The following OPCML variants were observed in gnomAD, a reference collection of about 807,000 sequenced individuals.
The protein encoded by OPCML is opioid-binding protein/cell adhesion molecule.
A neutral mutation model predicts 37.8 loss-of-function variants in OPCML; 13 were observed. The ratio of observed to expected loss-of-function variants is 0.34; its 90% CI spans 0.22 to 0.55. OPCML has a LOEUF of 0.55. OPCML is among the 20% of genes least tolerant of loss of function. The probability of loss-of-function intolerance (pLI) is 0.91; values close to 1 mark genes in which losing one functional copy is unlikely to be tolerated. For missense variants in OPCML, 341 were observed against 435.6 expected (o/e 0.78, Z 1.93); for synonymous variants, 176 against 168.8 (o/e 1.04, Z -0.33).
intron 1 of OPCML, among the ~76,000 whole-genome samples, chr11:133,245,241 T>C (rs927739741): frequency 1.3e-5 from 2 of 152,190 alleles, no homozygotes; most frequent in African/African-American, 4.8e-5. Context: ...CGTTCAAAGA[T>C]AGGGATGCAC....
At chr11:133,187,072 C>G (rs145423672) in intron 1 of OPCML, among the ~76,000 whole-genome samples, 132 of 152,224 alleles carry the variant, frequency 8.7e-4, no homozygotes, top group African/African-American at 3.0e-3. Flanking sequence ...GCATTATAAG[C>G]TGAAAAGTGA....
chr11:133,432,018 C>G (rs920629586), intron 1 of OPCML, among the ~76,000 whole-genome samples: 1 of 151,970 alleles, frequency 6.6e-6, no homozygotes, highest in African/African-American at 2.4e-5. Flanking sequence ...ACTGCATGTT[C>G]TCACTTCTAA....
chr11:133,411,845 TTTA>T (rs1272515853), intron 1 of OPCML, among the ~76,000 whole-genome samples: 2 of 152,198 alleles, frequency 1.3e-5, no homozygotes, highest in Non-Finnish European at 2.9e-5. Flanking sequence ...AGTTTTTCTG[TTTA>T]TTGTCTTTGA....
At chr11:133,384,256 A>AAG (rs1944994259) in intron 1 of OPCML, among the ~76,000 whole-genome samples, 1 of 144,668 alleles carries the variant, frequency 6.9e-6, no homozygotes, top group African/African-American at 2.6e-5. Flanking sequence ...GCAAAAAAAA[A>AAG]AAAAAAAAAG....
intron 1 of OPCML, among the ~76,000 whole-genome samples, chr11:133,367,275 C>G (rs1754930658): frequency 6.6e-6 from 1 of 152,236 alleles, no homozygotes; most frequent in Non-Finnish European, 1.5e-5. Flanking sequence ...CCACACCCAG[C>G]CGGAATGCAG....
At chr11:132,629,878 A>G (rs942834887) in intron 3 of OPCML, among the ~76,000 whole-genome samples, 2 of 152,254 alleles carry the variant, frequency 1.3e-5, no homozygotes, top group Non-Finnish European at 2.9e-5. Context: ...TAAGTTAAAA[A>G]GAAACAAGAA....
At chr11:133,061,061 TC>T (rs1238519085) in intron 1 of OPCML, among the ~76,000 whole-genome samples, 1 of 152,230 alleles carries the variant, frequency 6.6e-6, no homozygotes, top group African/African-American at 2.4e-5. Context: ...TTGGGGAGTG[TC>T]CCTATGTTGC....
intron 3 of OPCML, among the ~76,000 whole-genome samples, chr11:132,627,238 T>C (rs1939804349): frequency 6.6e-6 from 1 of 152,186 alleles, no homozygotes; most frequent in Non-Finnish European, 1.5e-5. Flanking sequence ...ACATCACAAA[T>C]GAATTTATTA....
At chr11:132,840,956 A>T (rs889974295) in intron 2 of OPCML, among the ~76,000 whole-genome samples, 2 of 152,104 alleles carry the variant, frequency 1.3e-5, no homozygotes, top group South Asian at 2.1e-4. Flanking sequence ...GCGAGCTCAC[A>T]TGGGACACTG....
intron 1 of OPCML, among the ~76,000 whole-genome samples, chr11:133,274,509 C>A (rs1941938394): frequency 6.6e-6 from 1 of 152,216 alleles, no homozygotes; most frequent in Admixed American, 6.5e-5. Flanking sequence ...GGGTTCTCCC[C>A]TGTAGGTTTC....
At chr11:133,237,939 G>A (rs35174168) in intron 1 of OPCML, among the ~76,000 whole-genome samples, 23,455 of 152,150 alleles carry the variant, frequency 0.15, 2,514 homozygotes, top group East Asian at 0.54. Flanking sequence ...TCTTTATTGC[G>A]TTATTATTAC....
intron 1 of OPCML, among the ~76,000 whole-genome samples, chr11:133,181,506 C>T (rs1165686445): frequency 6.6e-6 from 1 of 151,948 alleles, no homozygotes; most frequent in Non-Finnish European, 1.5e-5. Context: ...AACCTTTCTC[C>T]ATCTATTATA....
At chr11:133,523,101 A>G (rs1181797418) in intron 1 of OPCML, among the ~76,000 whole-genome samples, 1 of 152,170 alleles carries the variant, frequency 6.6e-6, no homozygotes, top group African/African-American at 2.4e-5. Flanking sequence ...AAGACAAAAC[A>G]CAACTAGGGC....
chr11:133,254,932 G>A (rs1302423639), intron 1 of OPCML, among the ~76,000 whole-genome samples: 6 of 152,054 alleles, frequency 3.9e-5, no homozygotes, highest in Non-Finnish European at 7.4e-5. Flanking sequence ...GGGAAGAATC[G>A]GGCAAACAGA....
At chr11:133,138,836 C>G (rs1372029004) in intron 1 of OPCML, among the ~76,000 whole-genome samples, 2 of 152,162 alleles carry the variant, frequency 1.3e-5, no homozygotes, top group Non-Finnish European at 2.9e-5. Flanking sequence ...ACATAATGAA[C>G]CTGCCTTTAC....
intron 2 of OPCML, among the ~76,000 whole-genome samples, chr11:132,802,095 T>G (rs927571377): frequency 2.6e-5 from 4 of 152,176 alleles, no homozygotes; most frequent in Non-Finnish European, 1.5e-5. Flanking sequence ...TACTCCCTTT[T>G]CTTTTTGACC....
chr11:132,989,637 G>A (rs1251939079), intron 1 of OPCML, among the ~76,000 whole-genome samples: 1 of 136,220 alleles, frequency 7.3e-6, no homozygotes, highest in Non-Finnish European at 1.6e-5. Flanking sequence ...GTGTGTGTGT[G>A]TGTGTGTGTG....
intron 1 of OPCML, among the ~76,000 whole-genome samples, chr11:133,037,688 C>T (rs555505408): frequency 6.6e-6 from 1 of 152,192 alleles, no homozygotes; most frequent in Non-Finnish European, 1.5e-5. Context: ...ACCCAGCTGT[C>T]TTTGACTCAT....
intron 2 of OPCML, among the ~76,000 whole-genome samples, chr11:132,699,602 A>G (rs147059942): frequency 4.7e-4 from 71 of 152,192 alleles, no homozygotes; most frequent in African/African-American, 1.7e-3. Context: ...TGTTGATACG[A>G]TCATATAACT....
Sources: allele counts gnomAD v4.1 joint callset (sites outside exome capture counted in the v4.1 genomes callset), GRCh38; gene constraint gnomAD v4.1.1; transcripts MANE v1.5; gene names NCBI Gene and HGNC (gene_info 2026-07-23, HGNC 2026-07-21).